Variants in SMOC2 observed in about 807,000 individuals in gnomAD.
SMOC2 encodes SPARC-related modular calcium-binding protein 2.
A neutral mutation model predicts 61.4 loss-of-function variants in SMOC2; 39 were observed. The observed-to-expected ratio is 0.64, with a 90% CI of 0.49 to 0.83. SMOC2 has a LOEUF of 0.83. Ranked by LOEUF, SMOC2 falls within the 40% of genes least tolerant of loss-of-function variation. SMOC2 has a pLI of 0.00. For synonymous variants in SMOC2, 247 were observed against 239.9 expected (o/e 1.03, Z -0.27); for missense variants, 556 against 592.9 (o/e 0.94, Z 0.65).
At chr6:168,454,588 A>C (rs1446156396) in intron 1 of SMOC2, among the ~76,000 whole-genome samples, 1 of 152,178 alleles carries the variant, frequency 6.6e-6, no homozygotes, top group East Asian at 1.9e-4. Context: ...AGGTGTTTGC[A>C]GGTAGACCGT....
At chr6:168,522,255 A>G (rs953567124) in intron 2 of SMOC2, among the ~76,000 whole-genome samples, 1 of 152,198 alleles carries the variant, frequency 6.6e-6, no homozygotes, top group Non-Finnish European at 1.5e-5. Flanking sequence ...TGGACATACA[A>G]CGGTTTAGCA....
chr6:168,441,258 C>A lies in SMOC2; in HGVS notation c.-113C>A. 1.5e-6 allele frequency: 2 copies of A among 1,362,290 alleles called. No homozygotes were observed. Among genetic ancestry groups the A allele is most frequent in the South Asian group, 1.8e-5 (1 of 56,376 alleles). 84.4% of individuals were successfully genotyped at this position (1,362,290 alleles called of 1,614,324 possible). On this transcript the variant is annotated 5_prime_UTR_variant, in exon 1 of 13. Coordinates refer to ENST00000356284, the MANE Select transcript of SMOC2 (RefSeq NM_001166412.2). ...GCCGGGAGCGGTGGGGAGAGCATCG[C>A]GGAGCCGCCCCTCCACGCGCCCGCC...
chr6:168,494,204 T>C (rs910904003), intron 1 of SMOC2, among the ~76,000 whole-genome samples: 2 of 152,240 alleles, frequency 1.3e-5, no homozygotes, highest in African/African-American at 4.8e-5. Flanking sequence ...CTTCATGACA[T>C]GGCAAAGCTA....
intron 7 of SMOC2, among the ~76,000 whole-genome samples, chr6:168,563,305 ATATG>A (rs1481430804): frequency 6.6e-6 from 1 of 151,808 alleles, no homozygotes; most frequent in Non-Finnish European, 1.5e-5. Flanking sequence ...GTGTGTATAT[ATATG>A]TGTGTATGTA....
In SMOC2 at chr6:168,610,757, CATCATTTTATTATATGGCACAAGAG is replaced by C. The variant is rs140437576; in HGVS notation, c.907+2522_907+2546del. Among the ~76,000 whole-genome samples, 943 of 152,218 alleles carry C rather than the reference CATCATTTTATTATATGGCACAAGAG, an allele frequency of 6.2e-3. 11 individuals carry two copies. Among genetic ancestry groups the C allele is most frequent in the African/African-American group, 0.022 (912 of 41,544 alleles). On this transcript the variant is annotated intron_variant, in intron 9 of 12. Coordinates refer to ENST00000356284, the MANE Select transcript of SMOC2 (RefSeq NM_001166412.2). ...AAACGATCATTGAGTCTTTGGAGGC[CATCATTTTATTATATGGCACAAGAG>C]ATCTAGGTCTGGCTTAAGGGGCTAC...
chr6:168,526,518 G>C, intron 3 of SMOC2, 66 bp downstream of exon 3: 2 of 1,375,502 alleles, frequency 1.5e-6, no homozygotes, highest in South Asian at 1.2e-5. Flanking sequence ...GAGCGGGTGT[G>C]GGGAGAAGGC....
At chr6:168,602,492 A>T (rs1562375298) in intron 8 of SMOC2, among the ~76,000 whole-genome samples, 1 of 151,938 alleles carries the variant, frequency 6.6e-6, no homozygotes, top group Non-Finnish European at 1.5e-5. Context: ...GTTTCCCCTC[A>T]CACTAATTGG....
At chr6:168,579,644 A>G (rs1052799985) in intron 7 of SMOC2, among the ~76,000 whole-genome samples, 6 of 152,162 alleles carry the variant, frequency 3.9e-5, no homozygotes, top group Non-Finnish European at 8.8e-5. Context: ...ATTACTGGTA[A>G]CAAAGCATCC....
chr6:168,522,140 T>TA (rs767876483), intron 2 of SMOC2, among the ~76,000 whole-genome samples: 8 of 152,208 alleles, frequency 5.3e-5, no homozygotes, highest in Non-Finnish European at 1.0e-4. Flanking sequence ...AATATAATAC[T>TA]ATGAGCCAAA....
chr6:168,582,680 C>T (rs919394475), intron 7 of SMOC2, among the ~76,000 whole-genome samples: 5 of 152,232 alleles, frequency 3.3e-5, no homozygotes, highest in African/African-American at 4.8e-5. Context: ...GTGACTGGAA[C>T]GCCGCCATGG....
At chr6:168,612,619 T>A (rs9456243) in intron 9 of SMOC2, among the ~76,000 whole-genome samples, 27,599 of 149,796 alleles carry the variant, frequency 0.18, 2,770 homozygotes, top group South Asian at 0.27. Flanking sequence ...CAGCACTGGG[T>A]TCGTGATCTC....
chr6:168,524,743 C>G (rs950702708), intron 2 of SMOC2, among the ~76,000 whole-genome samples: 5 of 152,378 alleles, frequency 3.3e-5, no homozygotes, highest in Admixed American at 2.6e-4. Flanking sequence ...TGCTGGCTGG[C>G]CAGGCCAGAC....
intron 9 of SMOC2, among the ~76,000 whole-genome samples, chr6:168,632,956 G>A (rs6922145): frequency 0.031 from 4,695 of 152,246 alleles, 265 homozygotes; most frequent in African/African-American, 0.11. Flanking sequence ...GGTGCAGAGC[G>A]GCTTCCCCCT....
intron 7 of SMOC2, among the ~76,000 whole-genome samples, chr6:168,560,668 C>T (rs866632954): frequency 6.9e-3 from 1 of 144 alleles, no homozygotes; most frequent in Non-Finnish European, 0.014. Flanking sequence ...ACACGAGGCT[C>T]TCACTGCATT....
chr6:168,448,673 C>T (rs78426217), intron 1 of SMOC2, among the ~76,000 whole-genome samples: 9,840 of 152,118 alleles, frequency 0.065, 380 homozygotes, highest in Non-Finnish European at 0.093. Context: ...CCTGTCTCCA[C>T]TGAGGCAATG....
intron 1 of SMOC2, among the ~76,000 whole-genome samples, chr6:168,448,601 ATGATGGGGAGGAGGATGG>A (rs1416043016): frequency 3.9e-5 from 5 of 127,970 alleles, no homozygotes; most frequent in African/African-American, 1.2e-4. Flanking sequence ...GGGGAGGACG[ATGATGGGGAGGAGGATGG>A]TGATGGGGAG....
At chr6:168,485,884 G>A (rs2115027698) in intron 1 of SMOC2, among the ~76,000 whole-genome samples, 1 of 152,250 alleles carries the variant, frequency 6.6e-6, no homozygotes, top group South Asian at 2.1e-4. Context: ...CTCCCTTATA[G>A]GTTCCTATGA....
rs1045472385 is a variant in SMOC2, at chr6:168,453,144, T to C, written c.84+11690T>C. On this transcript the variant is annotated intron_variant, in intron 1 of 12. Coordinates refer to ENST00000356284, the MANE Select transcript of SMOC2 (RefSeq NM_001166412.2). This position sits in a 1 kb window ranked among gnomAD's most constrained non-coding sequence, Gnocchi z 4.4. ...AATTCAGGGCAGTGTGGCTTGAATC[T>C]GCTGTCCGACGCAGGCAGGTGCAGG... Among the ~76,000 whole-genome samples, 15 of 150,830 alleles carry C rather than the reference T, an allele frequency of 9.9e-5. No individual in the cohort carries two copies. The highest frequency in any genetic ancestry group is 3.4e-3 in the Middle Eastern group (1 of 292).
intron 7 of SMOC2, among the ~76,000 whole-genome samples, chr6:168,558,838 C>T (rs559059408): frequency 5.4e-5 from 8 of 148,654 alleles, no homozygotes; most frequent in South Asian, 2.1e-4. Flanking sequence ...TGTGTGTGCA[C>T]GTGTGTATGT....
Sources: allele counts gnomAD v4.1 joint callset (sites outside exome capture counted in the v4.1 genomes callset), GRCh38; gene constraint gnomAD v4.1.1; non-coding constraint Gnocchi (gnomAD v3.1); transcripts MANE v1.5; gene names NCBI Gene and HGNC (gene_info 2026-07-23, HGNC 2026-07-21).